The following SLC25A21 variants were observed in gnomAD, a reference collection of about 807,000 sequenced individuals.
The protein encoded by SLC25A21 is mitochondrial 2-oxodicarboxylate carrier.
Under a neutral mutation model 43.8 loss-of-function variants are expected in SLC25A21, and 47 were observed. The observed-to-expected ratio is 1.07, with a 90% confidence interval of 0.85 to 1.37. The LOEUF (loss-of-function observed/expected upper bound fraction) is 1.37. Among genes scored for constraint, SLC25A21 ranks in the 40% most tolerant of loss-of-function variants. The pLI is 0.00. For synonymous variants in SLC25A21, 131 were observed against 121.3 expected (o/e 1.08, Z -0.52); for missense variants, 352 against 350.2 (o/e 1.00, Z -0.04).
Position 36,878,601 on chromosome 14 carries a change from G to A in SLC25A21, c.71-3597C>T, listed in dbSNP as rs559318866. On this transcript the variant is annotated intron_variant, in intron 1 of 9. Coordinates refer to ENST00000331299, the MANE Select transcript of SLC25A21 (RefSeq NM_030631.4). ...CCTAGAAGTGACCTCAAGAAACTGA[G>A]TGGTACCATGTGCTTATTGACAATT... is the stretch of plus-strand genomic sequence containing the variant. Among the ~76,000 whole-genome samples the A allele has an allele frequency of 3.2e-4, 48 of 152,250 alleles. No homozygotes were observed. In the South Asian group the frequency reaches 1.0e-2, roughly 32 times the overall value.
At chr14:36,702,910 C>T (rs897213304) in intron 7 of SLC25A21, among the ~76,000 whole-genome samples, 9 of 152,204 alleles carry the variant, frequency 5.9e-5, no homozygotes, top group Non-Finnish European at 1.2e-4. Flanking sequence ...TCTCTGCCCT[C>T]TCCCATACCC....
At chr14:36,948,314 A>G (rs565597324) in intron 1 of SLC25A21, among the ~76,000 whole-genome samples, 1 of 152,234 alleles carries the variant, frequency 6.6e-6, no homozygotes, top group East Asian at 1.9e-4. Flanking sequence ...ATATAGCTTT[A>G]TTTACTTTCC....
chr14:36,860,905 G>A (rs1037582395), intron 2 of SLC25A21, among the ~76,000 whole-genome samples: 8 of 152,128 alleles, frequency 5.3e-5, no homozygotes, highest in Admixed American at 5.2e-4. Context: ...ATTTTGTGTG[G>A]TTTTTGCTAT....
At chr14:36,968,667 A>T (rs930700008) in intron 1 of SLC25A21, among the ~76,000 whole-genome samples, 19 of 152,052 alleles carry the variant, frequency 1.2e-4, no homozygotes, top group African/African-American at 4.6e-4. Context: ...TTGTCTCCTG[A>T]GCTGCAGCTC....
intron 3 of SLC25A21, among the ~76,000 whole-genome samples, chr14:36,792,993 AAT>A (rs1887543597): frequency 6.6e-6 from 1 of 152,108 alleles, no homozygotes; most frequent in Non-Finnish European, 1.5e-5. Context: ...CTTATTTGCT[AAT>A]CTTTGTCTTC....
chr14:36,901,157 G>A (rs1891387788), intron 1 of SLC25A21, among the ~76,000 whole-genome samples: 2 of 152,162 alleles, frequency 1.3e-5, no homozygotes, highest in South Asian at 4.1e-4. Context: ...AGCAGAGACC[G>A]ATAAGAAAGG....
At chr14:36,713,707 T>C (rs985179594) in intron 6 of SLC25A21, among the ~76,000 whole-genome samples, 2 of 152,290 alleles carry the variant, frequency 1.3e-5, no homozygotes, top group African/African-American at 4.8e-5. Flanking sequence ...GTCAGTGGCT[T>C]CTGCAGTGGC....
At chr14:36,864,193 G>C (rs972028327) in intron 2 of SLC25A21, among the ~76,000 whole-genome samples, 2 of 152,172 alleles carry the variant, frequency 1.3e-5, no homozygotes, top group African/African-American at 4.8e-5. Context: ...ATACAAATGT[G>C]AGACCTTTCA....
chr14:36,711,187 T>C (rs560863079), intron 7 of SLC25A21, 131 bp downstream of exon 7: 3 of 785,344 alleles, frequency 3.8e-6, no homozygotes, highest in South Asian at 3.8e-5. Flanking sequence ...TCAATGCAGA[T>C]GTAAGGATCA....
At chr14:36,853,984 T>C (rs1043468864) in intron 2 of SLC25A21, among the ~76,000 whole-genome samples, 5 of 152,208 alleles carry the variant, frequency 3.3e-5, no homozygotes, top group African/African-American at 9.6e-5. Context: ...TTAATTTTAA[T>C]TCAGGTTTGA....
intron 2 of SLC25A21, among the ~76,000 whole-genome samples, chr14:36,817,885 G>C (rs910709027): frequency 6.6e-6 from 1 of 152,204 alleles, no homozygotes; most frequent in African/African-American, 2.4e-5. Flanking sequence ...GATTTCACAA[G>C]TCTAGGCACT....
At chr14:36,861,248 A>C (rs1316531356) in intron 2 of SLC25A21, among the ~76,000 whole-genome samples, 1 of 152,136 alleles carries the variant, frequency 6.6e-6, no homozygotes, top group Non-Finnish European at 1.5e-5. Flanking sequence ...TCAGCCTCAA[A>C]TTTGTTTGTC....
At chr14:36,767,060 A>G (rs1886443688) in intron 3 of SLC25A21, among the ~76,000 whole-genome samples, 1 of 152,222 alleles carries the variant, frequency 6.6e-6, no homozygotes, top group South Asian at 2.1e-4. Context: ...AGGCTTGTGG[A>G]AAACACTAAA....
chr14:36,793,521 A>T (rs1887564222), intron 3 of SLC25A21, among the ~76,000 whole-genome samples: 1 of 139,710 alleles, frequency 7.2e-6, no homozygotes, highest in Non-Finnish European at 1.5e-5. Context: ...TGCTCCTCCC[A>T]GAAAATACAA....
intron 3 of SLC25A21, among the ~76,000 whole-genome samples, chr14:36,757,872 T>C (rs1885994236): frequency 1.3e-5 from 2 of 152,220 alleles, no homozygotes; most frequent in African/African-American, 4.8e-5. Context: ...AACCAGCTTA[T>C]TGAGCACTCT....
At chr14:36,903,149 T>C (rs1891440042) in intron 1 of SLC25A21, among the ~76,000 whole-genome samples, 1 of 152,208 alleles carries the variant, frequency 6.6e-6, no homozygotes, top group Non-Finnish European at 1.5e-5. Context: ...ACATTTGCTA[T>C]AACTAGCCTT....
At chr14:37,041,690 G>A (rs1034785783) in intron 1 of SLC25A21, among the ~76,000 whole-genome samples, 16 of 152,280 alleles carry the variant, frequency 1.1e-4, no homozygotes, top group South Asian at 6.2e-4. Context: ...CAGAATCCAT[G>A]ACAGTCAAGT....
intron 1 of SLC25A21, among the ~76,000 whole-genome samples, chr14:36,923,725 A>G (rs1024741741): frequency 1.3e-5 from 2 of 152,152 alleles, no homozygotes; most frequent in Non-Finnish European, 2.9e-5. Context: ...GATTCAACCA[A>G]CTGCAGAGCA....
intron 3 of SLC25A21, among the ~76,000 whole-genome samples, chr14:36,760,330 CAGAAGGAAGGAAGGAAGGAA>C (rs1341238611): frequency 9.5e-6 from 1 of 105,074 alleles, no homozygotes; most frequent in Non-Finnish European, 2.0e-5. Flanking sequence ...GGCAGCTAGG[CAGAAGGAAGGAAGGAAGGAA>C]GGAAGGAAGG....
Sources: allele counts gnomAD v4.1 joint callset (sites outside exome capture counted in the v4.1 genomes callset), GRCh38; gene constraint gnomAD v4.1.1; transcripts MANE v1.5; gene names NCBI Gene and HGNC (gene_info 2026-07-23, HGNC 2026-07-21).